FILIP1: variants seen among roughly 807,000 people sequenced by gnomAD.
FILIP1 encodes filamin A interacting protein 1.
In FILIP1, 61 loss-of-function variants were observed where a neutral mutation model predicts 102.1. The observed-to-expected ratio is 0.60, with a 90% CI of 0.49 to 0.74. FILIP1 has a LOEUF of 0.74. Among genes scored for constraint, FILIP1 ranks in the 30% least tolerant of loss-of-function variants. The pLI is 0.00. For synonymous variants in FILIP1, 491 were observed against 526.9 expected, an observed-to-expected ratio of 0.93 and a Z score of 0.93; for missense variants, 1,314 against 1,441.2, an observed-to-expected ratio of 0.91 and a Z score of 1.43.
intron 1 of FILIP1, among the ~76,000 whole-genome samples, chr6:75,431,464 C>T (rs1191711158): frequency 6.6e-6 from 1 of 152,150 alleles, no homozygotes; most frequent in Admixed American, 6.6e-5. Context: ...TACCCTTCTT[C>T]CCCTTGTTTT....
intron 2 of FILIP1, among the ~76,000 whole-genome samples, chr6:75,401,074 A>G (rs1277269528): frequency 6.6e-6 from 1 of 152,118 alleles, no homozygotes; most frequent in Non-Finnish European, 1.5e-5. Context: ...ATTTCCTTAG[A>G]TATAGCCCTG....
At chr6:75,365,072 A>C (rs569867237) in intron 2 of FILIP1, among the ~76,000 whole-genome samples, 37 of 152,366 alleles carry the variant, frequency 2.4e-4, no homozygotes, top group African/African-American at 8.4e-4. Flanking sequence ...TCTTGATAAC[A>C]AACTACTGTC....
At chr6:75,382,000 G>A (rs921490683) in intron 2 of FILIP1, among the ~76,000 whole-genome samples, 3 of 152,144 alleles carry the variant, frequency 2.0e-5, no homozygotes, top group Admixed American at 2.0e-4. Context: ...TATGATGTAA[G>A]CACAGAGCAA....
chr6:75,448,513 G>C (rs1484513907), intron 1 of FILIP1, among the ~76,000 whole-genome samples: 1 of 152,032 alleles, frequency 6.6e-6, no homozygotes, highest in Admixed American at 6.6e-5. Flanking sequence ...GGACTTAATT[G>C]AACTAAAAAG....
At chr6:75,435,292 A>G (rs1362936807) in intron 1 of FILIP1, among the ~76,000 whole-genome samples, 1 of 152,226 alleles carries the variant, frequency 6.6e-6, no homozygotes, top group Non-Finnish European at 1.5e-5. Flanking sequence ...GAACAAAATT[A>G]TATCATAGGT....
At chr6:75,354,584 A>C (rs1039103231) in intron 3 of FILIP1, among the ~76,000 whole-genome samples, 9 of 152,106 alleles carry the variant, frequency 5.9e-5, no homozygotes, top group Admixed American at 1.3e-4. Flanking sequence ...AAAAAAAAAA[A>C]AAAAAACCTT....
Position 75,402,402 on chromosome 6 carries a change from G to A in FILIP1, c.276+12295C>T, listed in dbSNP as rs1018691375. ...AGCAAAGACATGCCATTCTCAGCAC[G>A]CTGACCATTTTGATGGTGTGAGGTT... On this transcript the variant is annotated intron_variant, in intron 2 of 5. Coordinates refer to ENST00000237172, the MANE Select transcript of FILIP1 (RefSeq NM_015687.5). Among the ~76,000 whole-genome samples, 9 of 152,254 alleles carry A rather than the reference G, an allele frequency of 5.9e-5. No homozygotes were observed. The South Asian group carries it at 6.2e-4, about 11-fold the overall frequency.
intron 2 of FILIP1, among the ~76,000 whole-genome samples, chr6:75,370,022 T>C (rs568607783): frequency 4.2e-4 from 64 of 152,340 alleles, no homozygotes; most frequent in African/African-American, 1.5e-3. Context: ...TGACTTTAAA[T>C]GATAGATCCA....
chr6:75,492,341 C>G (rs544963005), intron 1 of FILIP1, among the ~76,000 whole-genome samples: 3 of 152,208 alleles, frequency 2.0e-5, no homozygotes, highest in African/African-American at 7.2e-5. Flanking sequence ...TAAATTCTTT[C>G]TTTACATTGA....
chr6:75,378,993 T>C (rs1775822335), intron 2 of FILIP1, among the ~76,000 whole-genome samples: 1 of 152,200 alleles, frequency 6.6e-6, no homozygotes, highest in Non-Finnish European at 1.5e-5. Context: ...GATTCAGGAA[T>C]TGAATTCTAT....
chr6:75,485,998 T>TAC (rs71002741), intron 1 of FILIP1, among the ~76,000 whole-genome samples: 12,439 of 100,340 alleles, frequency 0.12, 677 homozygotes, highest in African/African-American at 0.25. Flanking sequence ...CACACACACA[T>TAC]ACACACACAC....
chr6:75,368,442 A>G (rs1775411488), intron 2 of FILIP1, among the ~76,000 whole-genome samples: 1 of 152,206 alleles, frequency 6.6e-6, no homozygotes, highest in African/African-American at 2.4e-5. Context: ...AATGCATTGT[A>G]TTCAGTATTG....
chr6:75,298,464 A>G (rs919372691), intron 6 of FILIP1, among the ~76,000 whole-genome samples: 121 of 152,180 alleles, frequency 8.0e-4, no homozygotes, highest in African/African-American at 2.8e-3. Context: ...AGAGATAGTG[A>G]GATAAAATCT....
At chr6:75,491,599 T>C (rs1217535381) in intron 1 of FILIP1, among the ~76,000 whole-genome samples, 2 of 152,022 alleles carry the variant, frequency 1.3e-5, no homozygotes, top group African/African-American at 2.4e-5. Flanking sequence ...GACATGGCAA[T>C]GGAATCTAAC....
At chr6:75,346,614 T>G (rs189117561) in intron 4 of FILIP1, among the ~76,000 whole-genome samples, 1 of 152,246 alleles carries the variant, frequency 6.6e-6, no homozygotes, top group East Asian at 1.9e-4. Flanking sequence ...AAGTGACTCT[T>G]CTAACCCCAA....
chr6:75,474,640 G>A (rs1046689774), intron 1 of FILIP1, among the ~76,000 whole-genome samples: 1 of 152,092 alleles, frequency 6.6e-6, no homozygotes, highest in Non-Finnish European at 1.5e-5. Context: ...TGTACATTAG[G>A]TTCCCCAGAG....
At chr6:75,395,891 C>T (rs1776444148) in intron 2 of FILIP1, among the ~76,000 whole-genome samples, 1 of 152,098 alleles carries the variant, frequency 6.6e-6, no homozygotes, top group African/African-American at 2.4e-5. Flanking sequence ...CTTTTAAGCA[C>T]TAGCTTAACA....
In FILIP1 at chr6:75,411,883, T is replaced by C. The variant is rs948760930; in HGVS notation, c.276+2814A>G. ...CAGCTTTGTTCTTTTTGCTTAGGAT[T>C]GTCTTGGCTATGCAGGCTCTTTTTT... On this transcript the variant is annotated intron_variant, in intron 2 of 5. Transcript: ENST00000237172. Among the ~76,000 whole-genome samples the C allele has an allele frequency of 2.7e-4, 41 of 152,216 alleles. 1 individual carries two copies. Among genetic ancestry groups the C allele is most frequent in the African/African-American group, 9.9e-4 (41 of 41,464 alleles).
chr6:75,367,702 T>A (rs1775384824), intron 2 of FILIP1: 1 of 152,154 alleles, frequency 6.6e-6, no homozygotes, highest in Non-Finnish European at 1.5e-5. Flanking sequence ...TGGTATCTAA[T>A]CAATATATTA....
Sources: allele counts gnomAD v4.1 joint callset (sites outside exome capture counted in the v4.1 genomes callset), GRCh38; gene constraint gnomAD v4.1.1; transcripts MANE v1.5; gene names NCBI Gene and HGNC (gene_info 2026-07-23, HGNC 2026-07-21).